The following SORBS2 variants were observed in gnomAD, a reference collection of about 807,000 sequenced individuals.
The protein encoded by SORBS2 is sorbin and SH3 domain-containing protein 2.
In SORBS2, 46 loss-of-function variants were observed where a neutral mutation model predicts 97.7. That is an observed-to-expected ratio of 0.47 (90% CI 0.37 to 0.60). The LOEUF is 0.60. Among genes scored for constraint, SORBS2 ranks in the 20% least tolerant of loss-of-function variants. The pLI is 0.00. For missense variants in SORBS2, 1,316 were observed against 1,282.3 expected (o/e 1.03, Z -0.40); for synonymous variants, 476 against 473.4 (o/e 1.01, Z -0.07).
chr4:185,638,295 C>G (rs2097058820), intron 4 of SORBS2, 133 bp from the exon 15 acceptor site: 2 of 666,600 alleles, frequency 3.0e-6, no homozygotes, highest in African/African-American at 3.6e-5. Flanking sequence ...CGAACCTCAG[C>G]AGGAGAGAAC....
intron 2 of SORBS2, among the ~76,000 whole-genome samples, chr4:185,709,320 T>TTTTTTTTTTTTTTTTTTTTTTTTTGTA (rs1181008953): frequency 7.1e-6 from 1 of 140,978 alleles, no homozygotes; most frequent in Non-Finnish European, 1.5e-5. Flanking sequence ...TTTTTTTTTT[T>TTTTTTTTTTTTTTTTTTTTTTTTTGTA]TTTTAGTAAA....
chr4:185,648,004 C>T (rs2097243402), intron 3 of SORBS2, among the ~76,000 whole-genome samples: 1 of 152,300 alleles, frequency 6.6e-6, no homozygotes, highest in Non-Finnish European at 1.5e-5. Context: ...ATTTTAAGGC[C>T]TCACATAATT....
At chr4:185,901,466 G>A (rs4862589) in intron 1 of SORBS2, among the ~76,000 whole-genome samples, 108,107 of 152,070 alleles carry the variant, frequency 0.71, 38,519 homozygotes, top group Middle Eastern at 0.85. Context: ...GGCCTCCTAA[G>A]GTGCTGAGAT....
intron 12 of SORBS2, 56 bp downstream of exon 24, chr4:185,611,724 G>A (rs746070314): frequency 5.3e-5 from 72 of 1,365,232 alleles, no homozygotes; most frequent in Non-Finnish European, 7.2e-5. Flanking sequence ...GTCACACACC[G>A]ATTATCTTAC....
At chr4:185,758,867 C>T (rs898550651) in intron 2 of SORBS2, among the ~76,000 whole-genome samples, 1 of 152,222 alleles carries the variant, frequency 6.6e-6, no homozygotes, top group African/African-American at 2.4e-5. Flanking sequence ...CCTTGCTCAA[C>T]ATTTGAAACT....
intron 11 of SORBS2, among the ~76,000 whole-genome samples, chr4:185,613,608 T>G (rs1424893470): frequency 5.7e-5 from 8 of 140,642 alleles, no homozygotes. Context: ...AGAGCACACA[T>G]TGCACTCCAG....
intron 9 of SORBS2, among the ~76,000 whole-genome samples, chr4:185,617,813 C>T (rs957885095): frequency 6.6e-6 from 1 of 152,158 alleles, no homozygotes; most frequent in Admixed American, 6.5e-5. Flanking sequence ...TGCTCAGAAT[C>T]TCTGAGCTTT....
chr4:185,936,904 A>C (rs1273446315), intron 1 of SORBS2, among the ~76,000 whole-genome samples: 1 of 152,250 alleles, frequency 6.6e-6, no homozygotes. Flanking sequence ...CTGAAGGTGG[A>C]AATTCCTCAA....
intron 4 of SORBS2, 37 bp from the exon 17 acceptor site, chr4:185,630,635 A>G: frequency 2.9e-6 from 4 of 1,358,332 alleles, no homozygotes; most frequent in Non-Finnish European, 4.1e-6. Flanking sequence ...GAAAAATTTT[A>G]CCGTGGCAAA....
chr4:185,886,884 C>T (rs569469073), intron 1 of SORBS2, among the ~76,000 whole-genome samples: 2 of 152,194 alleles, frequency 1.3e-5, no homozygotes, highest in South Asian at 4.1e-4. Context: ...TTGGTTTGCC[C>T]CAAAGGGTAT....
chr4:185,934,707 C>A (rs2099268113), intron 1 of SORBS2, among the ~76,000 whole-genome samples: 1 of 151,578 alleles, frequency 6.6e-6, no homozygotes, highest in Non-Finnish European at 1.5e-5. Flanking sequence ...TCGCTTGAAC[C>A]CGGGAGGCGG....
intron 2 of SORBS2, among the ~76,000 whole-genome samples, chr4:185,705,024 A>G (rs972280197): frequency 6.6e-6 from 1 of 152,230 alleles, no homozygotes; most frequent in Non-Finnish European, 1.5e-5. Flanking sequence ...TAAACGTGAG[A>G]GAAAAAGCAG....
chr4:185,626,676 G>C (rs1431594850), intron 6 of SORBS2, 156 bp downstream of exon 18: 2 of 727,996 alleles, frequency 2.7e-6, no homozygotes, highest in Non-Finnish European at 2.3e-6. Context: ...GAGTCAGTCT[G>C]GGTGGGAAGA....
rs771643989 is a variant in SORBS2 at position 185,803,914 on chromosome 4, T to G, written c.-337-28548A>C. Among the ~76,000 whole-genome samples, 18 of 152,320 alleles carry G rather than the reference T, an allele frequency of 1.2e-4. No individual in the cohort carries two copies. The East Asian group carries it at 2.3e-3, about 20-fold the overall frequency. ...GTTTCTCTGACAAAGAAGATAAGTG[T>G]GCCTTCTCATATTTTTATTATTTTC... On this transcript the variant is annotated intron_variant, in intron 1 of 20. Transcript: ENST00000284776.
At chr4:185,934,617 A>G (rs2099268055) in intron 1 of SORBS2, among the ~76,000 whole-genome samples, 1 of 151,812 alleles carries the variant, frequency 6.6e-6, no homozygotes, top group South Asian at 2.1e-4. Flanking sequence ...AAAAAACAAC[A>G]ACAACAACAA....
chr4:185,926,660 A>G (rs36040554), intron 1 of SORBS2, among the ~76,000 whole-genome samples: 48,887 of 151,824 alleles, frequency 0.32, 8,547 homozygotes, highest in East Asian at 0.53. Flanking sequence ...TATTAGTATA[A>G]TTTAAATATT....
intron 1 of SORBS2, among the ~76,000 whole-genome samples, chr4:185,807,967 A>G (rs2099163948): frequency 6.6e-6 from 1 of 152,234 alleles, no homozygotes; most frequent in African/African-American, 2.4e-5. Context: ...CTTAAAATAG[A>G]AAATGTTAGA....
At chr4:185,914,622 C>T (rs772152185) in intron 1 of SORBS2, among the ~76,000 whole-genome samples, 3 of 152,164 alleles carry the variant, frequency 2.0e-5, no homozygotes, top group Non-Finnish European at 4.4e-5. Context: ...ACTGTGGTAA[C>T]CCAGGCCTGA....
intron 2 of SORBS2, among the ~76,000 whole-genome samples, chr4:185,756,730 T>A (rs2098833310): frequency 6.6e-6 from 1 of 151,646 alleles, no homozygotes. Flanking sequence ...TTTTTTTTTT[T>A]TTTTTTTTAA....
Sources: allele counts gnomAD v4.1 joint callset (sites outside exome capture counted in the v4.1 genomes callset), GRCh38; gene constraint gnomAD v4.1.1; transcripts MANE v1.5; gene names NCBI Gene and HGNC (gene_info 2026-07-23, HGNC 2026-07-21).